VWA8: variants seen among roughly 807,000 people sequenced by gnomAD.
VWA8 encodes the protein von Willebrand factor A domain-containing protein 8.
In VWA8, 221 loss-of-function variants were observed where a neutral mutation model predicts 241.5. The ratio of observed to expected loss-of-function variants is 0.91; its 90% CI spans 0.82 to 1.02. VWA8 has a LOEUF of 1.02. VWA8 is among the 50% of genes least tolerant of loss of function. The pLI, the probability that VWA8 is intolerant of heterozygous loss-of-function variation, is 0.00. For missense variants in VWA8, 2,322 were observed against 2,328.7 expected (o/e 1.00, Z 0.06); for synonymous variants, 852 against 827.1 (o/e 1.03, Z -0.52).
At chr13:41,867,271 T>C (rs763256922) in intron 10 of VWA8, among the ~76,000 whole-genome samples, 4 of 152,252 alleles carry the variant, frequency 2.6e-5, no homozygotes, top group Non-Finnish European at 5.9e-5. Flanking sequence ...TCATCTTCTC[T>C]CTGAAGCTTT....
chr13:41,904,625 TA>T (rs1875616217), intron 4 of VWA8, among the ~76,000 whole-genome samples: 1 of 152,134 alleles, frequency 6.6e-6, no homozygotes, highest in South Asian at 2.1e-4. Context: ...GCTGTATGCT[TA>T]AAAAATATCC....
chr13:41,954,132 T>C (rs1172551707), intron 1 of VWA8, among the ~76,000 whole-genome samples: 2 of 152,066 alleles, frequency 1.3e-5, no homozygotes, highest in Non-Finnish European at 2.9e-5. Context: ...TACACTACAC[T>C]TTCCTCAGTC....
intron 17 of VWA8, among the ~76,000 whole-genome samples, chr13:41,808,648 C>T (rs1261515315): frequency 1.3e-5 from 2 of 152,088 alleles, no homozygotes; most frequent in Non-Finnish European, 2.9e-5. Context: ...CAACCCATAT[C>T]AATACTGAAT....
chr13:41,872,252 G>A (rs961827339), intron 9 of VWA8, among the ~76,000 whole-genome samples: 1 of 152,052 alleles, frequency 6.6e-6, no homozygotes, highest in Non-Finnish European at 1.5e-5. Context: ...CCCATTTTGT[G>A]GGTTGCCTGT....
chr13:41,816,229 C>T (rs148639305), intron 16 of VWA8, among the ~76,000 whole-genome samples: 44 of 152,176 alleles, frequency 2.9e-4, no homozygotes, highest in Non-Finnish European at 5.0e-4. Context: ...GTACTGTTCC[C>T]GTTCCCATTT....
At chr13:41,622,651 T>A (rs2044664783) in intron 37 of VWA8, among the ~76,000 whole-genome samples, 1 of 152,170 alleles carries the variant, frequency 6.6e-6, no homozygotes, top group Non-Finnish European at 1.5e-5. Flanking sequence ...TACATGTGAA[T>A]TAAAATGGAA....
intron 37 of VWA8, among the ~76,000 whole-genome samples, chr13:41,636,897 T>G (rs1186361068): frequency 6.6e-6 from 1 of 151,758 alleles, no homozygotes; most frequent in Admixed American, 6.6e-5. Context: ...ATGGCAATCA[T>G]TAAAAAGTCA....
At chr13:41,867,349 T>C (rs1195681772) in intron 10 of VWA8, among the ~76,000 whole-genome samples, 1 of 152,186 alleles carries the variant, frequency 6.6e-6, no homozygotes, top group Non-Finnish European at 1.5e-5. Flanking sequence ...CAATGCAGTC[T>C]TAACTCGTCT....
chr13:41,620,381 C>T (rs113559614), intron 37 of VWA8, among the ~76,000 whole-genome samples: 5,876 of 151,838 alleles, frequency 0.039, 374 homozygotes, highest in African/African-American at 0.13. Context: ...TCAGTCTTGC[C>T]AGCGGTCTAT....
intron 35 of VWA8, among the ~76,000 whole-genome samples, chr13:41,680,419 T>C (rs1047067628): frequency 7.9e-5 from 12 of 152,172 alleles, no homozygotes; most frequent in Non-Finnish European, 1.5e-4. Flanking sequence ...TTTCTCTCTT[T>C]TTTTACAGCC....
At chr13:41,779,174 A>G (rs908826133) in intron 19 of VWA8, among the ~76,000 whole-genome samples, 9 of 148,210 alleles carry the variant, frequency 6.1e-5, no homozygotes, top group African/African-American at 2.2e-4. Flanking sequence ...ATGGTGCTTT[A>G]TATCTATATT....
In VWA8 at chr13:41,709,972, T is replaced by C. The variant is rs547912307; in HGVS notation, c.3117-6561A>G. ...ACAAGTCAGTCTTTCACTTGACAGC[T>C]TTCCCAATTAATTGTGATCGCTTCA... is the stretch of plus-strand genomic sequence containing the variant. On this transcript the variant is annotated intron_variant, in intron 26 of 44. Transcript: ENST00000379310. Among the ~76,000 whole-genome samples, 29 of 152,154 alleles carry C rather than the reference T, an allele frequency of 1.9e-4. No individual in the cohort carries two copies. The South Asian group carries it at 5.6e-3, about 30-fold the overall frequency.
intron 26 of VWA8, among the ~76,000 whole-genome samples, chr13:41,704,441 G>C (rs983842986): frequency 2.0e-5 from 3 of 147,176 alleles, no homozygotes; most frequent in African/African-American, 7.4e-5. Flanking sequence ...TAAAACAGCA[G>C]ATAATTTTTT....
At chr13:41,829,114 C>A (rs1266752582) in intron 14 of VWA8, among the ~76,000 whole-genome samples, 1 of 152,078 alleles carries the variant, frequency 6.6e-6, no homozygotes, top group Non-Finnish European at 1.5e-5. Flanking sequence ...GAAAGATTAC[C>A]TTCTTAAAAC....
chr13:41,623,287 C>T (rs2044669108), intron 37 of VWA8, among the ~76,000 whole-genome samples: 1 of 152,158 alleles, frequency 6.6e-6, no homozygotes, highest in Admixed American at 6.6e-5. Flanking sequence ...AAGAGGATGG[C>T]AGATTAGAAG....
chr13:41,818,557 A>C (rs1265765704), intron 15 of VWA8, among the ~76,000 whole-genome samples: 1 of 152,044 alleles, frequency 6.6e-6, no homozygotes, highest in East Asian at 1.9e-4. Context: ...AGCAAGACTT[A>C]GTTTCAAACA....
intron 4 of VWA8, among the ~76,000 whole-genome samples, chr13:41,901,960 G>A (rs1389516855): frequency 7.0e-6 from 1 of 143,214 alleles, no homozygotes; most frequent in Non-Finnish European, 1.5e-5. Flanking sequence ...ATAGAAAGGA[G>A]TTCTTCTGAG....
chr13:41,937,778 T>C (rs1039635234), intron 2 of VWA8, among the ~76,000 whole-genome samples: 4 of 152,212 alleles, frequency 2.6e-5, no homozygotes. Flanking sequence ...ACAGTTTTTG[T>C]CAATTAAAAA....
At chr13:41,855,040 A>C (rs1395074487) in intron 12 of VWA8, among the ~76,000 whole-genome samples, 2 of 152,168 alleles carry the variant, frequency 1.3e-5, no homozygotes, top group East Asian at 1.9e-4. Context: ...ACTGTGTGCT[A>C]AACAGCATAA....
Sources: gnomAD v4.1 joint callset for allele counts (sites outside exome capture counted in the v4.1 genomes callset) on GRCh38, gnomAD v4.1.1 for gene constraint, MANE v1.5 for transcripts, NCBI Gene and HGNC (gene_info 2026-07-23, HGNC 2026-07-21) for gene names.